The following DPF3 variants were observed in gnomAD, a reference collection of about 807,000 sequenced individuals.
The protein encoded by DPF3 is zinc finger protein DPF3.
Under a neutral mutation model 56.8 loss-of-function variants are expected in DPF3, and 18 were observed. The observed-to-expected ratio is 0.32, with a 90% CI of 0.22 to 0.47. The LOEUF (loss-of-function observed/expected upper bound fraction) is 0.47, where lower values mean the gene tolerates loss of function less well. Among genes scored for constraint, DPF3 ranks in the 20% least tolerant of loss-of-function variants. The probability of loss-of-function intolerance (pLI) is 1.00; values close to 1 mark genes in which losing one functional copy is unlikely to be tolerated. For synonymous variants in DPF3, 188 were observed against 180.2 expected (o/e 1.04, Z -0.35); for missense variants, 403 against 488.8 (o/e 0.82, Z 1.65).
chr14:72,661,338 G>C (rs1021207839), intron 8 of DPF3: 1 of 985,268 alleles, frequency 1.0e-6, no homozygotes, highest in Non-Finnish European at 1.2e-6. Context: ...GTGCCCACCT[G>C]CCCTGCCCTT....
At chr14:72,890,453 T>G (rs1011935550) in intron 1 of DPF3, among the ~76,000 whole-genome samples, 4 of 151,354 alleles carry the variant, frequency 2.6e-5, no homozygotes, top group African/African-American at 9.7e-5. Context: ...ATCCTGCTGC[T>G]GCACTCCAGC....
chr14:72,873,446 G>A (rs557337770), intron 1 of DPF3, among the ~76,000 whole-genome samples: 1 of 152,208 alleles, frequency 6.6e-6, no homozygotes, highest in Non-Finnish European at 1.5e-5. Context: ...AGGATGTGGA[G>A]AAATAGGAAC....
intron 3 of DPF3, among the ~76,000 whole-genome samples, chr14:72,733,461 GAC>G (rs1422031785): frequency 6.6e-6 from 1 of 152,126 alleles, no homozygotes; most frequent in Non-Finnish European, 1.5e-5. Flanking sequence ...TTTTTGGAGG[GAC>G]AGAGGGAGAG....
chr14:72,755,504 G>A (rs1464831487), intron 2 of DPF3, among the ~76,000 whole-genome samples: 1 of 152,108 alleles, frequency 6.6e-6, no homozygotes, highest in Non-Finnish European at 1.5e-5. Context: ...ACCTTTCTGA[G>A]CCTATTGCCT....
At position 72,861,784 on chromosome 14, in the gene DPF3, A is replaced by AAAGAAAGAAAGG. The variant is rs1555514026; in HGVS notation, c.32+32272_32+32273insCCTTTCTTTCTT. On this transcript the variant is annotated intron_variant, in intron 1 of 10. Coordinates refer to ENST00000556509, the MANE Select transcript of DPF3 (RefSeq NM_001280542.3). The stretch of plus-strand genomic sequence containing the variant: ...GAAAGAAAGAAAGAAAGAAAGAAAG[A>AAAGAAAGAAAGG]AAGAAAGAAAGAAAGAAAGAAGGAA... Among the ~76,000 whole-genome samples, 240 of 148,442 alleles carry AAAGAAAGAAAGG rather than the reference A, an allele frequency of 1.6e-3. 1 individual carries two copies. The highest frequency in any genetic ancestry group is 3.1e-3 in the African/African-American group (124 of 39,960).
chr14:72,720,106 G>C (rs1889104405), intron 5 of DPF3, among the ~76,000 whole-genome samples: 1 of 151,996 alleles, frequency 6.6e-6, no homozygotes, highest in African/African-American at 2.4e-5. Flanking sequence ...ACACACAGAG[G>C]TGTCAAGACT....
At chr14:72,645,678 G>A (rs991958084) in intron 8 of DPF3, among the ~76,000 whole-genome samples, 1 of 152,100 alleles carries the variant, frequency 6.6e-6, no homozygotes, top group Non-Finnish European at 1.5e-5. Context: ...AAGCCTCTTT[G>A]CTGTCTGGCC....
intron 1 of DPF3, among the ~76,000 whole-genome samples, chr14:72,873,351 T>C (rs986736079): frequency 6.6e-6 from 1 of 152,110 alleles, no homozygotes; most frequent in Non-Finnish European, 1.5e-5. Context: ...ATCAGAGAAA[T>C]GCAAATCAAA....
In DPF3 at chr14:72,629,610, A is replaced by T; in HGVS notation, c.984+14T>A. On this transcript the variant is annotated intron_variant, in intron 9 of 10. Transcript: ENST00000556509. ...GTGGATTTCTCCCTCCCACAGGGAA[A>T]GCCCCAAACTCACATCATTCTCTGA... 1 of 1,532,286 alleles carries T rather than the reference A, an allele frequency of 6.5e-7. No homozygotes were observed. Among genetic ancestry groups the T allele is most frequent in the South Asian group, 1.2e-5 (1 of 83,980 alleles). The allele number at this position is 1,532,286 out of a possible 1,614,324, so 94.9% of individuals were successfully genotyped here. A position where few individuals can be genotyped will look rare whatever the true frequency, so the allele number is the denominator to read the frequency against.
At chr14:72,722,764 C>T (rs1055024902) in intron 5 of DPF3, among the ~76,000 whole-genome samples, 1 of 152,238 alleles carries the variant, frequency 6.6e-6, no homozygotes, top group Non-Finnish European at 1.5e-5. Flanking sequence ...AGACCCCAGA[C>T]GGCCACCACA....
At chr14:72,671,028 G>A in intron 8 of DPF3, 2 of 1,495,506 alleles carry the variant, frequency 1.3e-6, no homozygotes, top group Non-Finnish European at 1.8e-6. Flanking sequence ...CAAGGATAGA[G>A]GGAAAATCTA....
At chr14:72,889,782 A>G (rs1886680407) in intron 1 of DPF3, among the ~76,000 whole-genome samples, 1 of 152,232 alleles carries the variant, frequency 6.6e-6, no homozygotes, top group African/African-American at 2.4e-5. Flanking sequence ...AAGTAAGTTT[A>G]TTTTCTTCTC....
intron 8 of DPF3, among the ~76,000 whole-genome samples, chr14:72,655,563 G>A (rs1435854791): frequency 6.6e-6 from 1 of 152,152 alleles, no homozygotes; most frequent in East Asian, 1.9e-4. Context: ...TGGCCTTACT[G>A]TTCTTACAGT....
At chr14:72,752,183 G>A (rs1890605919) in intron 3 of DPF3, among the ~76,000 whole-genome samples, 2 of 152,162 alleles carry the variant, frequency 1.3e-5, no homozygotes, top group African/African-American at 2.4e-5. Flanking sequence ...TGGTGACAGT[G>A]GGAGGAAGTA....
chr14:72,637,925 G>A (rs1254037012), intron 8 of DPF3, among the ~76,000 whole-genome samples: 1 of 152,168 alleles, frequency 6.6e-6, no homozygotes, highest in Admixed American at 6.5e-5. Flanking sequence ...AGATGGCCAA[G>A]ACAGAAAGCA....
At chr14:72,625,669 C>T (rs1884780734) in intron 9 of DPF3, among the ~76,000 whole-genome samples, 1 of 152,202 alleles carries the variant, frequency 6.6e-6, no homozygotes, top group African/African-American at 2.4e-5. Context: ...TGTAGGTACA[C>T]ATGCATACAT....
At chr14:72,715,275 A>G (rs1888866004) in intron 5 of DPF3, among the ~76,000 whole-genome samples, 1 of 152,186 alleles carries the variant, frequency 6.6e-6, no homozygotes, top group South Asian at 2.1e-4. Context: ...CTCTACCTTC[A>G]AGAATCAAAG....
chr14:72,801,275 G>A (rs952967819), intron 1 of DPF3, among the ~76,000 whole-genome samples: 6 of 152,358 alleles, frequency 3.9e-5, no homozygotes, highest in South Asian at 2.1e-4. Flanking sequence ...AAATGTATCC[G>A]TGAGGCTCTG....
At chr14:72,812,121 T>A (rs1308451134) in intron 1 of DPF3, among the ~76,000 whole-genome samples, 2 of 151,790 alleles carry the variant, frequency 1.3e-5, no homozygotes, top group Non-Finnish European at 2.9e-5. Context: ...AAAGACCAAG[T>A]TAAAGACCAA....
Sources: gnomAD v4.1 joint callset for allele counts (sites outside exome capture counted in the v4.1 genomes callset) on GRCh38, gnomAD v4.1.1 for gene constraint, MANE v1.5 for transcripts, NCBI Gene and HGNC (gene_info 2026-07-23, HGNC 2026-07-21) for gene names.